The following SSBP4 variants were observed in gnomAD, a reference collection of about 807,000 sequenced individuals.
The protein encoded by SSBP4 is single-stranded DNA-binding protein 4.
In SSBP4, 33 loss-of-function variants were observed where a neutral mutation model predicts 64.6. The ratio of observed to expected loss-of-function variants is 0.51; its 90% CI spans 0.39 to 0.68. The LOEUF (loss-of-function observed/expected upper bound fraction) is 0.68, where lower values mean the gene tolerates loss of function less well. Among genes scored for constraint, SSBP4 ranks in the 30% least tolerant of loss-of-function variants. SSBP4 has a pLI of 0.00. For missense variants in SSBP4, 583 were observed against 566.8 expected, an observed-to-expected ratio of 1.03 and a Z score of -0.29; for synonymous variants, 243 against 224.0, an observed-to-expected ratio of 1.08 and a Z score of -0.76.
the SSBP4 span, among the ~76,000 whole-genome samples, chr19:18,404,436 A>C: frequency 6.6e-6 from 1 of 151,890 alleles, no homozygotes; most frequent in Non-Finnish European, 1.5e-5. Flanking sequence ...TCTACTAAAA[A>C]TACAAAAATT....
chr19:18,414,274 G>C (rs1050221027), upstream of SSBP4, among the ~76,000 whole-genome samples: 2 of 152,146 alleles, frequency 1.3e-5, no homozygotes, highest in Admixed American at 1.3e-4. Flanking sequence ...CCTCTGGGTC[G>C]CTCACATGAC....
intron 5 of SSBP4, 69 bp downstream of exon 5, chr19:18,430,999 C>T (rs972229048): frequency 3.2e-6 from 5 of 1,538,538 alleles, no homozygotes; most frequent in African/African-American, 1.4e-5. Flanking sequence ...TGGGGGGGGT[C>T]CCACGTGGGC....
At chr19:18,409,404 C>G in the SSBP4 span, among the ~76,000 whole-genome samples, 1 of 152,120 alleles carries the variant, frequency 6.6e-6, no homozygotes, top group African/African-American at 2.4e-5. Context: ...CCCATCTGTT[C>G]TCGAACTCCT....
intron 1 of SSBP4, among the ~76,000 whole-genome samples, chr19:18,425,011 A>T (rs1380415368): frequency 6.7e-6 from 1 of 148,304 alleles, no homozygotes; most frequent in East Asian, 2.1e-4. Context: ...TCAAAACAGG[A>T]CGGGCGGCCA....
At chr19:18,403,705 T>G in the SSBP4 span, among the ~76,000 whole-genome samples, 1 of 137,746 alleles carries the variant, frequency 7.3e-6, no homozygotes, top group African/African-American at 2.8e-5. Context: ...CCTGGGGTCC[T>G]GAGGTCTGGG....
the SSBP4 span, among the ~76,000 whole-genome samples, chr19:18,412,328 G>C: frequency 6.6e-6 from 1 of 151,898 alleles, no homozygotes. Context: ...GGGCGTGGTG[G>C]CAGGCGCCTG....
chr19:18,434,028 C>T (rs1973781666), intron 17 of SSBP4, 189 bp from the exon 18 acceptor site: 5 of 1,295,026 alleles, frequency 3.9e-6, no homozygotes, highest in Non-Finnish European at 4.9e-6. Context: ...TCCCATCCGC[C>T]CCCACCCCGG....
chr19:18,427,931 C>A lies in SSBP4; in HGVS notation c.228C>A (p.Asp76Glu). ...VFWDLYCAAP[D>E]RREACEHSGE... ...GGGACCTGTACTGCGCGGCGCCTGA[C>A]AGAAGAGAGGCCTGCGAGCACTCCG... The change falls in exon 4 of 18, where the codon GAC (aspartate) becomes GAA (glutamate). Residue 76 changes from aspartate (D) to glutamate (E), a missense_variant. This residue lies in a region of SSBP4 where 43 missense variants were observed against 74.2 expected (regional missense o/e 0.58). Transcript: ENST00000270061. The surrounding 1 kb of genome is among the most constrained non-coding windows in gnomAD (Gnocchi z 4.4). 1.2e-6 allele frequency: 2 copies of A among 1,613,728 alleles called. No individual in the cohort carries two copies. Among genetic ancestry groups the A allele is most frequent in the Non-Finnish European group, 1.7e-6 (2 of 1,179,910 alleles).
At chr19:18,425,169 G>C (rs1317846508) in intron 1 of SSBP4, among the ~76,000 whole-genome samples, 1 of 151,940 alleles carries the variant, frequency 6.6e-6, no homozygotes, top group Non-Finnish European at 1.5e-5. Context: ...CGAGGAACAG[G>C]AGACAAGGAA....
intron 6 of SSBP4, 80 bp from the exon 7 acceptor site, chr19:18,431,567 G>A: frequency 6.7e-7 from 1 of 1,491,360 alleles, no homozygotes; most frequent in Non-Finnish European, 9.0e-7. Context: ...CCAGGTCGGG[G>A]GCCCCAGCAT....
chr19:18,432,865 A>G lies in SSBP4; in HGVS notation c.823A>G (p.Ile275Val). The change falls in exon 13 of 18, where the codon ATC becomes GTC. Residue 275 changes from isoleucine to valine, a missense_variant. Physicochemically the swap from Ile to Val is conservative, Grantham distance 29. Transcript: ENST00000270061. ...PGGGGPPGTP[I>V]MPSPGDSTNS... ...AGGAGGTGGGCCCCCTGGAACACCC[A>G]TCATGCCTAGCCCTGGAGGTATGGC... is the stretch of plus-strand genomic sequence containing the variant. The G allele has an allele frequency of 6.2e-7, 1 of 1,613,988 alleles. No homozygotes were observed. The highest frequency in any genetic ancestry group is 8.5e-7 in the Non-Finnish European group (1 of 1,179,970).
the SSBP4 span, among the ~76,000 whole-genome samples, chr19:18,407,117 G>A: frequency 4.0e-5 from 6 of 151,746 alleles, no homozygotes; most frequent in Non-Finnish European, 7.4e-5. Context: ...GGCTCACTGC[G>A]ACCTCTGCCT....
At position 18,426,661 on chromosome 19, in the gene SSBP4, G is replaced by C. The variant is rs966514570; in HGVS notation, c.60-690G>C. ...CCCTTGGGGTGCACAGTGGTTGGGAGGGTGAGTCCAGGGGTCCCTGGCAGG... is the reference window on the plus strand; with the variant it reads ...CCCTTGGGGTGCACAGTGGTTGGGACGGTGAGTCCAGGGGTCCCTGGCAGG... On this transcript the variant is annotated intron_variant, in intron 1 of 17. Transcript: ENST00000270061. This position sits in a 1 kb window ranked among gnomAD's most constrained non-coding sequence, Gnocchi z 4.5. Among the ~76,000 whole-genome samples the C allele has an allele frequency of 1.3e-5, 2 of 152,168 alleles. No homozygotes were observed. The highest frequency in any genetic ancestry group is 1.3e-4 in the Admixed American group (2 of 15,280).
the SSBP4 span, among the ~76,000 whole-genome samples, chr19:18,408,172 C>A: frequency 2.0e-5 from 3 of 152,236 alleles, no homozygotes; most frequent in Admixed American, 2.0e-4. Context: ...CATTTCTTGG[C>A]TGACAGTGAC....
At chr19:18,410,840 C>G in the SSBP4 span, among the ~76,000 whole-genome samples, 98 of 152,240 alleles carry the variant, frequency 6.4e-4, no homozygotes, top group Middle Eastern at 3.4e-3. Flanking sequence ...AGGCAGGCAA[C>G]TCCGTAGACC....
chr19:18,419,369 G>A, upstream of SSBP4: 1 of 1,024,826 alleles, frequency 9.8e-7, no homozygotes, highest in Non-Finnish European at 1.2e-6. Flanking sequence ...GCGGGCGGGG[G>A]CGCGCGCGGC....
the SSBP4 span, among the ~76,000 whole-genome samples, chr19:18,404,887 A>G: frequency 4.4e-5 from 5 of 113,698 alleles, no homozygotes; most frequent in Non-Finnish European, 9.0e-5. Flanking sequence ...GCGAGACTCC[A>G]TCTCAAAAAA....
chr19:18,407,539 C>T, the SSBP4 span, among the ~76,000 whole-genome samples: 1 of 152,004 alleles, frequency 6.6e-6, no homozygotes, highest in Non-Finnish European at 1.5e-5. Flanking sequence ...GCCTCAACCT[C>T]CCAAGTAGCT....
the SSBP4 span, among the ~76,000 whole-genome samples, chr19:18,404,991 C>T: frequency 6.7e-6 from 1 of 149,410 alleles, no homozygotes; most frequent in East Asian, 2.0e-4. Context: ...AGAGGCCCCC[C>T]CCCCCGCGAA....
Sources: allele counts gnomAD v4.1 joint callset (sites outside exome capture counted in the v4.1 genomes callset), GRCh38; gene constraint gnomAD v4.1.1; regional missense constraint gnomAD v4.1.1; non-coding constraint Gnocchi (gnomAD v3.1); transcripts MANE v1.5; gene names NCBI Gene and HGNC (gene_info 2026-07-23, HGNC 2026-07-21).